The following RCAN2 variants were observed in gnomAD, a reference collection of about 807,000 sequenced individuals.
The protein encoded by RCAN2 is regulator of calcineurin 2, also known as calcipressin-2.
RCAN2 carries 9 observed loss-of-function variants against 23.6 expected under a neutral mutation model. The ratio of observed to expected loss-of-function variants is 0.38; its 90% CI spans 0.23 to 0.67. The LOEUF (loss-of-function observed/expected upper bound fraction) is 0.67. Among genes scored for constraint, RCAN2 ranks in the 30% least tolerant of loss-of-function variants. RCAN2 has a pLI of 0.51. For synonymous variants in RCAN2, 109 were observed against 115.7 expected (o/e 0.94, Z 0.37); for missense variants, 273 against 302.3 (o/e 0.90, Z 0.72).
intron 2 of RCAN2, among the ~76,000 whole-genome samples, chr6:46,440,555 T>C (rs1767507458): frequency 1.3e-5 from 2 of 152,106 alleles, no homozygotes; most frequent in African/African-American, 4.8e-5. Flanking sequence ...AAAGTATTCA[T>C]TAAAATGTGA....
At chr6:46,429,433 T>G (rs190219633) in intron 2 of RCAN2, among the ~76,000 whole-genome samples, 11 of 152,172 alleles carry the variant, frequency 7.2e-5, no homozygotes, top group Non-Finnish European at 1.6e-4. Context: ...GCTGTAAGGG[T>G]CAAATAACTC....
At chr6:46,314,754 G>A (rs942850018) in intron 2 of RCAN2, among the ~76,000 whole-genome samples, 1 of 152,132 alleles carries the variant, frequency 6.6e-6, no homozygotes, top group African/African-American at 2.4e-5. Flanking sequence ...TCCTTCATGG[G>A]CATCTTGCCT....
intron 2 of RCAN2, among the ~76,000 whole-genome samples, chr6:46,411,806 CA>C (rs372697819): frequency 1.0e-3 from 154 of 151,720 alleles, no homozygotes; most frequent in African/African-American, 3.6e-3. Flanking sequence ...GTTCAAGAAA[CA>C]AAAAAAATTA....
At chr6:46,443,608 G>A (rs1295698167) in intron 2 of RCAN2, among the ~76,000 whole-genome samples, 5 of 151,566 alleles carry the variant, frequency 3.3e-5, no homozygotes, top group South Asian at 4.2e-4. Flanking sequence ...TTATTCACTC[G>A]GCTTGCTAAA....
chr6:46,313,386 CA>C (rs1482871793), intron 2 of RCAN2, among the ~76,000 whole-genome samples: 1 of 152,238 alleles, frequency 6.6e-6, no homozygotes, highest in African/African-American at 2.4e-5. Context: ...GTACCTACTA[CA>C]CACTGAGTGC....
chr6:46,487,862 C>T (rs10807343), intron 1 of RCAN2, among the ~76,000 whole-genome samples: 67,737 of 152,094 alleles, frequency 0.45, 17,373 homozygotes, highest in Non-Finnish European at 0.59. Flanking sequence ...CAGACAGGTA[C>T]GACCTTAACC....
At chr6:46,478,644 T>A (rs1768777213) in intron 1 of RCAN2, among the ~76,000 whole-genome samples, 1 of 152,184 alleles carries the variant, frequency 6.6e-6, no homozygotes, top group Non-Finnish European at 1.5e-5. Flanking sequence ...AAAGTCTTAC[T>A]GGAAATTCGT....
chr6:46,363,923 T>A (rs1350642089), intron 2 of RCAN2, among the ~76,000 whole-genome samples: 1 of 152,216 alleles, frequency 6.6e-6, no homozygotes, highest in African/African-American at 2.4e-5. Context: ...TTAGGAATAC[T>A]GAAATAAATT....
At chr6:46,463,723 C>T (rs1486529575) in intron 1 of RCAN2, among the ~76,000 whole-genome samples, 1 of 152,146 alleles carries the variant, frequency 6.6e-6, no homozygotes, top group Non-Finnish European at 1.5e-5. Flanking sequence ...CATAAATAAC[C>T]TGTCTCTATT....
intron 2 of RCAN2, among the ~76,000 whole-genome samples, chr6:46,436,172 G>A (rs147516800): frequency 6.3e-4 from 96 of 152,328 alleles, no homozygotes; most frequent in African/African-American, 2.2e-3. Flanking sequence ...GCTCTTTGGT[G>A]CGTTATGCAG....
chr6:46,399,131 T>G (rs1454162596), intron 2 of RCAN2, among the ~76,000 whole-genome samples: 2 of 151,886 alleles, frequency 1.3e-5, no homozygotes, highest in Admixed American at 1.3e-4. Context: ...TAAAGTACCT[T>G]CAGAAACTAC....
At chr6:46,466,213 G>T (rs1030208251) in intron 1 of RCAN2, among the ~76,000 whole-genome samples, 10 of 152,202 alleles carry the variant, frequency 6.6e-5, no homozygotes, top group Non-Finnish European at 1.2e-4. Flanking sequence ...AAAGTGGGCA[G>T]CAAAGCACAA....
intron 2 of RCAN2, among the ~76,000 whole-genome samples, chr6:46,332,242 AT>A (rs1253165353): frequency 1.3e-5 from 2 of 151,956 alleles, no homozygotes; most frequent in Non-Finnish European, 2.9e-5. Context: ...TGATCAAAAT[AT>A]TCTTTCTTTC....
rs568164799 is a variant in RCAN2, at chr6:46,394,130, A to G, written c.225+62622T>C. 5.2e-4 allele frequency among the ~76,000 whole-genome samples: 79 copies of G among 152,316 alleles called. 1 individual carries two copies. Among genetic ancestry groups the G allele is most frequent in the Non-Finnish European group, 9.1e-4 (62 of 68,036 alleles). ...TACCCAGCAGTGTCTACTCAAAAGA[A>G]TGCATTGTTCTAACTACAGCTAATG... On this transcript the variant is annotated intron_variant, in intron 2 of 4. Coordinates refer to ENST00000371374, the MANE Select transcript of RCAN2 (RefSeq NM_001251974.2).
chr6:46,414,817 T>C (rs901104467), intron 2 of RCAN2, among the ~76,000 whole-genome samples: 5 of 152,224 alleles, frequency 3.3e-5, no homozygotes, highest in African/African-American at 1.2e-4. Flanking sequence ...TGTGCACACA[T>C]ATATATATTC....
intron 2 of RCAN2, among the ~76,000 whole-genome samples, chr6:46,269,480 C>T (rs973963988): frequency 6.6e-6 from 1 of 152,242 alleles, no homozygotes; most frequent in Non-Finnish European, 1.5e-5. Flanking sequence ...ATCTTGTCTA[C>T]TTTCTGCATA....
At chr6:46,282,181 C>G (rs139897371) in intron 2 of RCAN2, among the ~76,000 whole-genome samples, 56 of 152,266 alleles carry the variant, frequency 3.7e-4, no homozygotes, top group African/African-American at 1.3e-3. Flanking sequence ...TTATCCAAAA[C>G]AGACCACTCA....
chr6:46,244,456 G>A (rs1766442183), intron 4 of RCAN2, among the ~76,000 whole-genome samples: 1 of 152,140 alleles, frequency 6.6e-6, no homozygotes, highest in African/African-American at 2.4e-5. Flanking sequence ...GGACTCAGCT[G>A]GGTCAGCCAG....
chr6:46,386,192 A>C (rs2150395882), intron 2 of RCAN2, among the ~76,000 whole-genome samples: 1 of 152,288 alleles, frequency 6.6e-6, no homozygotes, highest in South Asian at 2.1e-4. Context: ...CAAACACCCC[A>C]TCAAAAAGTG....
Sources: gnomAD v4.1 joint callset for allele counts (sites outside exome capture counted in the v4.1 genomes callset) on GRCh38, gnomAD v4.1.1 for gene constraint, MANE v1.5 for transcripts, NCBI Gene and HGNC (gene_info 2026-07-23, HGNC 2026-07-21) for gene names.